Variants in TAFA1 observed in about 807,000 individuals in gnomAD.
The protein encoded by TAFA1 is TAFA chemokine like family member 1, also known as chemokine-like protein TAFA-1.
A neutral mutation model predicts 18.5 loss-of-function variants in TAFA1; 4 were observed. That is an observed-to-expected ratio of 0.22 (90% CI 0.11 to 0.49). The LOEUF (loss-of-function observed/expected upper bound fraction) is 0.49. Ranked by LOEUF, TAFA1 falls within the 20% of genes least tolerant of loss-of-function variation. TAFA1 has a pLI of 0.98. For synonymous variants in TAFA1, 56 were observed against 55.2 expected, an observed-to-expected ratio of 1.01 and a Z score of -0.06; for missense variants, 147 against 169.0, an observed-to-expected ratio of 0.87 and a Z score of 0.72.
At chr3:68,072,393 A>G (rs2064766882) in intron 2 of TAFA1, among the ~76,000 whole-genome samples, 1 of 152,164 alleles carries the variant, frequency 6.6e-6, no homozygotes, top group African/African-American at 2.4e-5. Context: ...TTTTAAAGTG[A>G]TGGAGAACCA....
chr3:68,424,435 T>G (rs559687226), intron 3 of TAFA1, among the ~76,000 whole-genome samples: 6 of 152,208 alleles, frequency 3.9e-5, no homozygotes, highest in Non-Finnish European at 8.8e-5. Context: ...GAACTGTTTG[T>G]ATTCAGTCTT....
chr3:68,185,591 T>C (rs1381584974), intron 2 of TAFA1, among the ~76,000 whole-genome samples: 3 of 152,066 alleles, frequency 2.0e-5, no homozygotes, highest in Non-Finnish European at 2.9e-5. Flanking sequence ...CACAGTATCA[T>C]CTAACCTTAG....
intron 2 of TAFA1, among the ~76,000 whole-genome samples, chr3:68,292,420 A>C (rs1165511690): frequency 3.5e-5 from 4 of 113,976 alleles, no homozygotes; most frequent in Non-Finnish European, 7.8e-5. Flanking sequence ...TCAAAAAAAA[A>C]AAACAAAAAA....
At chr3:68,066,990 A>G (rs578057664) in intron 2 of TAFA1, among the ~76,000 whole-genome samples, 7 of 152,290 alleles carry the variant, frequency 4.6e-5, no homozygotes, top group South Asian at 2.1e-4. Flanking sequence ...AGTCTTTGAC[A>G]TGGTATCAAG....
intron 2 of TAFA1, among the ~76,000 whole-genome samples, chr3:68,300,376 T>G (rs1559606340): frequency 2.0e-5 from 3 of 152,186 alleles, no homozygotes; most frequent in South Asian, 2.1e-4. Context: ...ATTTCTCACA[T>G]TAGCCAAATG....
intron 3 of TAFA1, among the ~76,000 whole-genome samples, chr3:68,505,626 C>G (rs1394704710): frequency 6.6e-6 from 1 of 152,108 alleles, no homozygotes; most frequent in Non-Finnish European, 1.5e-5. Flanking sequence ...CTCCTTCAGG[C>G]TGTTGGCAGA....
At chr3:68,103,346 G>C (rs1009999736) in intron 2 of TAFA1, among the ~76,000 whole-genome samples, 2 of 152,250 alleles carry the variant, frequency 1.3e-5, no homozygotes, top group African/African-American at 4.8e-5. Flanking sequence ...TGGTAATTGT[G>C]GTTAAAGGTT....
intron 2 of TAFA1, among the ~76,000 whole-genome samples, chr3:68,187,634 T>C (rs998220695): frequency 6.6e-6 from 1 of 151,998 alleles, no homozygotes; most frequent in South Asian, 2.1e-4. Context: ...TTCTTATATG[T>C]GTTTTGGGAG....
chr3:68,403,466 G>A (rs2136715), intron 2 of TAFA1, among the ~76,000 whole-genome samples: 63,450 of 152,090 alleles, frequency 0.42, 13,786 homozygotes, highest in Non-Finnish European at 0.45. Flanking sequence ...CGTCTAAAAC[G>A]GGTTGGCAAA....
rs192061473 is a variant in TAFA1 at position 68,355,534 on chromosome 3, C to A, written c.119-61746C>A. Among the ~76,000 whole-genome samples the A allele has an allele frequency of 7.6e-3, 1,153 of 152,052 alleles. 12 individuals are homozygous for A. The highest frequency in any genetic ancestry group is 0.027 in the African/African-American group (1,110 of 41,514). Reference sequence around the variant, plus strand: ...GCATGTAGTGAGTGCTTAGTGCATACTAATGATTATTACTACCACCATTAT... The same window carrying A: ...GCATGTAGTGAGTGCTTAGTGCATAATAATGATTATTACTACCACCATTAT... On this transcript the variant is annotated intron_variant, in intron 2 of 4. Coordinates refer to ENST00000478136, the MANE Select transcript of TAFA1 (RefSeq NM_213609.4).
At chr3:68,002,651 A>G (rs1704296488), upstream of TAFA1, among the ~76,000 whole-genome samples, 1 of 152,252 alleles carries the variant, frequency 6.6e-6, no homozygotes, top group African/African-American at 2.4e-5. Flanking sequence ...TTAAAGAAAT[A>G]AGAAAATATA....
intron 3 of TAFA1, among the ~76,000 whole-genome samples, chr3:68,469,305 TA>T (rs993706130): frequency 4.6e-5 from 7 of 152,126 alleles, no homozygotes; most frequent in African/African-American, 1.7e-4. Context: ...CAGTGGGAAG[TA>T]GGCATGTGAA....
At chr3:68,438,915 C>A (rs563096529) in intron 3 of TAFA1, among the ~76,000 whole-genome samples, 35 of 152,144 alleles carry the variant, frequency 2.3e-4, no homozygotes, top group African/African-American at 7.9e-4. Flanking sequence ...TCGTGGTATC[C>A]CTGAGCAGCA....
chr3:68,204,483 C>A (rs1343235403), intron 2 of TAFA1, among the ~76,000 whole-genome samples: 1 of 151,262 alleles, frequency 6.6e-6, no homozygotes, highest in Non-Finnish European at 1.5e-5. Context: ...ATGATGTGCT[C>A]AGCTGTGGAC....
upstream of TAFA1, among the ~76,000 whole-genome samples, chr3:68,000,778 T>C (rs562347211): frequency 3.0e-4 from 45 of 152,186 alleles, no homozygotes; most frequent in Non-Finnish European, 6.0e-4. Context: ...GGTAGTTGAA[T>C]GGAGAGGGAG....
At chr3:68,082,050 T>A (rs2064909484) in intron 2 of TAFA1, among the ~76,000 whole-genome samples, 1 of 152,212 alleles carries the variant, frequency 6.6e-6, no homozygotes, top group African/African-American at 2.4e-5. Flanking sequence ...AAAAGCGCAG[T>A]ACTCGGGTGG....
chr3:68,191,789 G>A (rs1213393068), intron 2 of TAFA1, among the ~76,000 whole-genome samples: 2 of 151,810 alleles, frequency 1.3e-5, no homozygotes, highest in African/African-American at 4.8e-5. Context: ...TAAGCCACAT[G>A]ATAATGGGCA....
chr3:68,197,156 A>G (rs748681067), intron 2 of TAFA1, among the ~76,000 whole-genome samples: 31 of 151,770 alleles, frequency 2.0e-4, no homozygotes, highest in Non-Finnish European at 1.6e-4. Context: ...CACCAACTGA[A>G]GTAAATGTGT....
intron 2 of TAFA1, among the ~76,000 whole-genome samples, chr3:68,015,519 C>T (rs1704553092): frequency 6.6e-6 from 1 of 152,150 alleles, no homozygotes; most frequent in African/African-American, 2.4e-5. Context: ...AACCTCTGAC[C>T]TCAGGTGATC....
Sources: allele counts gnomAD v4.1 joint callset (sites outside exome capture counted in the v4.1 genomes callset), GRCh38; gene constraint gnomAD v4.1.1; transcripts MANE v1.5; gene names NCBI Gene and HGNC (gene_info 2026-07-23, HGNC 2026-07-21).